The following SCARA3 variants were observed in gnomAD, a reference collection of about 807,000 sequenced individuals.
The protein encoded by SCARA3 is scavenger receptor class A member 3.
A neutral mutation model predicts 47.0 loss-of-function variants in SCARA3; 39 were observed. That is an observed-to-expected ratio of 0.83 (90% CI 0.64 to 1.08). SCARA3 has a LOEUF of 1.08. Among genes scored for constraint, SCARA3 ranks in the 50% least tolerant of loss-of-function variants. The pLI is 0.00. For synonymous variants in SCARA3, 356 were observed against 334.1 expected (o/e 1.07, Z -0.71); for missense variants, 724 against 792.3 (o/e 0.91, Z 1.04).
At chr8:27,700,935 T>C in the SCARA3 span, among the ~76,000 whole-genome samples, 10 of 152,310 alleles carry the variant, frequency 6.6e-5, no homozygotes, top group South Asian at 2.1e-3. Flanking sequence ...TTCTGGGTTT[T>C]TACCCAAGAG....
the SCARA3 span, among the ~76,000 whole-genome samples, chr8:27,715,813 A>G: frequency 2.1e-5 from 3 of 144,378 alleles, no homozygotes; most frequent in Non-Finnish European, 4.6e-5. This position sits in a 1 kb window ranked among gnomAD's most constrained non-coding sequence, Gnocchi z 4.2. Flanking sequence ...AGATATAGAT[A>G]GATAGATAGA....
At chr8:27,708,090 T>C in the SCARA3 span, among the ~76,000 whole-genome samples, 2 of 152,026 alleles carry the variant, frequency 1.3e-5, no homozygotes, top group Non-Finnish European at 2.9e-5. Context: ...GGAAATGGGG[T>C]TGCAACTCAG....
intron 4 of SCARA3, among the ~76,000 whole-genome samples, 156 bp from the exon 5 acceptor site, chr8:27,658,340 G>C (rs1801787330): frequency 6.6e-6 from 1 of 152,150 alleles, no homozygotes; most frequent in Non-Finnish European, 1.5e-5. Context: ...AGGTGGCAAG[G>C]CTTTTTCAAG....
the SCARA3 span, among the ~76,000 whole-genome samples, chr8:27,720,343 T>C: frequency 6.6e-6 from 1 of 152,106 alleles, no homozygotes; most frequent in Non-Finnish European, 1.5e-5. Flanking sequence ...AGAAGACTCT[T>C]AAGTAATGTA....
Position 27,672,419 on chromosome 8 carries a change from G to A in SCARA3, c.*1068G>A. ...AGCTGCCTCCCTTGCTCTCCCTGAG[G>A]CTGGCCTGCCCCATTCCCCAAGGGG... On this transcript the variant is annotated 3_prime_UTR_variant, in exon 6 of 6. Transcript: ENST00000301904. The A allele has an allele frequency of 4.1e-6, 4 of 985,492 alleles. No individual in the cohort carries two copies. Among genetic ancestry groups the A allele is most frequent in the Non-Finnish European group, 4.8e-6 (4 of 829,982 alleles). The allele number at this position is 985,492 out of a possible 1,614,324, so 61.0% of individuals were successfully genotyped here. A position where few individuals can be genotyped will look rare whatever the true frequency, so the allele number is the denominator to read the frequency against.
the SCARA3 span, among the ~76,000 whole-genome samples, chr8:27,700,137 A>G: frequency 1.3e-5 from 2 of 152,198 alleles, no homozygotes; most frequent in East Asian, 3.8e-4. Flanking sequence ...CACAAACCAT[A>G]AGAGAAAAAT....
At chr8:27,685,110 G>C in the SCARA3 span, among the ~76,000 whole-genome samples, 2 of 151,902 alleles carry the variant, frequency 1.3e-5, no homozygotes, top group East Asian at 3.8e-4. Context: ...TCAAGAAAAT[G>C]AAAAAAGTCA....
At chr8:27,657,029 C>T (rs473266) in intron 4 of SCARA3, 149 bp downstream of exon 4, 209,527 of 609,506 alleles carry the variant, frequency 0.34, 38,824 homozygotes, top group South Asian at 0.48. Flanking sequence ...CCTCCCCAGC[C>T]GGATCTCCAT....
the SCARA3 span, among the ~76,000 whole-genome samples, chr8:27,682,207 C>A: frequency 1.3e-5 from 2 of 152,002 alleles, no homozygotes; most frequent in African/African-American, 2.4e-5. Flanking sequence ...GGTGCTGGAA[C>A]AATTGGATAT....
At chr8:27,638,337 T>C (rs1190873650) in intron 1 of SCARA3, among the ~76,000 whole-genome samples, 1 of 151,722 alleles carries the variant, frequency 6.6e-6, no homozygotes, top group Non-Finnish European at 1.5e-5. Context: ...TGTGTGTGTG[T>C]GTGTGTGTGT....
At chr8:27,648,520 C>T (rs919057869) in intron 1 of SCARA3, among the ~76,000 whole-genome samples, 9 of 152,076 alleles carry the variant, frequency 5.9e-5, no homozygotes, top group East Asian at 1.9e-4. Context: ...AGGAGAATGG[C>T]GTGAACCCAG....
At chr8:27,709,891 T>C in the SCARA3 span, among the ~76,000 whole-genome samples, 1 of 152,082 alleles carries the variant, frequency 6.6e-6, no homozygotes, top group Admixed American at 6.6e-5. Flanking sequence ...AGTTCTGCCT[T>C]AGGACCCAGC....
downstream of SCARA3, among the ~76,000 whole-genome samples, chr8:27,681,377 T>C (rs769523754): frequency 9.2e-5 from 14 of 152,184 alleles, no homozygotes; most frequent in Non-Finnish European, 1.8e-4. Flanking sequence ...ACTTACATGA[T>C]CAGCAAAGAA....
chr8:27,634,965 T>C (rs1463877472), intron 1 of SCARA3, among the ~76,000 whole-genome samples: 1 of 152,204 alleles, frequency 6.6e-6, no homozygotes, highest in Non-Finnish European at 1.5e-5. Context: ...TTTGGAGTTA[T>C]CTCATGAGGC....
chr8:27,731,908 T>A, the SCARA3 span, among the ~76,000 whole-genome samples: 1 of 120,114 alleles, frequency 8.3e-6, no homozygotes, highest in East Asian at 3.3e-4. Flanking sequence ...CCCCGAATAT[T>A]TTCTCTTTTT....
downstream of SCARA3, chr8:27,676,421 C>G: frequency 1.4e-6 from 1 of 713,254 alleles, no homozygotes; most frequent in East Asian, 2.7e-5. Flanking sequence ...CAAAGGAAGC[C>G]AGGTGCTGAC....
At chr8:27,707,448 C>T in the SCARA3 span, among the ~76,000 whole-genome samples, 5 of 145,880 alleles carry the variant, frequency 3.4e-5, no homozygotes, top group Admixed American at 1.4e-4. Context: ...AAGGAACAAT[C>T]ATTTAATAAT....
the SCARA3 span, among the ~76,000 whole-genome samples, chr8:27,712,870 A>G: frequency 7.2e-6 from 1 of 139,160 alleles, no homozygotes; most frequent in African/African-American, 2.6e-5. Context: ...TTTAGTTTTG[A>G]AAAAAAAACC....
chr8:27,725,308 T>C, the SCARA3 span, among the ~76,000 whole-genome samples: 64,126 of 151,614 alleles, frequency 0.42, 13,884 homozygotes, highest in East Asian at 0.63. Flanking sequence ...AGGGTGCAAA[T>C]GGGACTTTGA....
Sources: gnomAD v4.1 joint callset for allele counts (sites outside exome capture counted in the v4.1 genomes callset) on GRCh38, gnomAD v4.1.1 for gene constraint, Gnocchi (gnomAD v3.1) non-coding constraint, MANE v1.5 for transcripts, NCBI Gene and HGNC (gene_info 2026-07-23, HGNC 2026-07-21) for gene names.